GINS1: variants seen among roughly 807,000 people sequenced by gnomAD.
GINS1 encodes the protein DNA replication complex GINS protein PSF1.
A neutral mutation model predicts 34.9 loss-of-function variants in GINS1; 26 were observed. The observed-to-expected ratio is 0.74, with a 90% CI of 0.55 to 1.03. The LOEUF is 1.03. Among genes scored for constraint, GINS1 ranks in the 50% least tolerant of loss-of-function variants. GINS1 has a pLI of 0.00. For synonymous variants in GINS1, 97 were observed against 84.4 expected, an observed-to-expected ratio of 1.15 and a Z score of -0.82; for missense variants, 235 against 237.9, an observed-to-expected ratio of 0.99 and a Z score of 0.08.
intron 1 of GINS1, among the ~76,000 whole-genome samples, chr20:25,408,486 A>T (rs1486806830): frequency 6.6e-6 from 1 of 152,022 alleles, no homozygotes; most frequent in African/African-American, 2.4e-5. Flanking sequence ...TAATATTATG[A>T]TTATTTGTAT....
intron 5 of GINS1, among the ~76,000 whole-genome samples, chr20:25,432,777 T>A (rs2090434475): frequency 6.6e-6 from 1 of 151,298 alleles, no homozygotes; most frequent in South Asian, 2.1e-4. Context: ...GATGAATTGT[T>A]ATTAGATGTG....
intron 1 of GINS1, chr20:25,413,573 A>G (rs1021983714): frequency 1.4e-5 from 7 of 492,966 alleles, no homozygotes; most frequent in African/African-American, 3.9e-5. Context: ...TTTTGCCCAC[A>G]GGGCTATACC....
intron 1 of GINS1, among the ~76,000 whole-genome samples, chr20:25,413,056 ATT>A (rs753937496): frequency 1.0e-4 from 14 of 135,990 alleles, no homozygotes; most frequent in African/African-American, 3.2e-4. Context: ...TCAGTAGTTC[ATT>A]TTTTTTTTTT....
rs533198891 is a variant in GINS1 at position 25,448,121 on chromosome 20, A to T, written c.*2130A>T. 1 of 152,188 alleles carries T rather than the reference A, an allele frequency of 6.6e-6. No individual in the cohort carries two copies. Among genetic ancestry groups the T allele is most frequent in the South Asian group, 2.1e-4 (1 of 4,810 alleles). 9.4% of individuals were successfully genotyped at this position (152,188 alleles called of 1,614,324 possible). On this transcript the variant is annotated 3_prime_UTR_variant, in exon 7 of 7. Coordinates refer to ENST00000262460, the MANE Select transcript of GINS1 (RefSeq NM_021067.5). ...ACTCCAGCCTGGGTGACAAAGTGAG[A>T]CTCTATCTCAAAAAGAAATTAGGAT...
intron 4 of GINS1, among the ~76,000 whole-genome samples, chr20:25,424,217 T>G (rs919949760): frequency 2.6e-5 from 4 of 152,236 alleles, no homozygotes; most frequent in African/African-American, 9.6e-5. Flanking sequence ...AACTATATAG[T>G]ATAGTTGGAG....
intron 1 of GINS1, among the ~76,000 whole-genome samples, chr20:25,410,044 A>T (rs573990936): frequency 1.2e-4 from 18 of 152,286 alleles, no homozygotes; most frequent in African/African-American, 4.1e-4. Flanking sequence ...GGCTGGTCTT[A>T]GAAGTTGTAG....
chr20:25,415,540 C>A (rs1446767404), intron 2 of GINS1, among the ~76,000 whole-genome samples: 1 of 152,054 alleles, frequency 6.6e-6, no homozygotes, highest in Non-Finnish European at 1.5e-5. Context: ...ACAAAATTAG[C>A]CATGCGTGGT....
chr20:25,430,690 C>A (rs1241429775), intron 5 of GINS1, among the ~76,000 whole-genome samples: 1 of 152,148 alleles, frequency 6.6e-6, no homozygotes. Context: ...GCCACCACAC[C>A]CGGCTAATTT....
intron 5 of GINS1, among the ~76,000 whole-genome samples, chr20:25,430,584 G>T (rs1346589795): frequency 6.6e-6 from 1 of 152,118 alleles, no homozygotes; most frequent in Non-Finnish European, 1.5e-5. Context: ...AGGCTGGAGT[G>T]CAATGGCACG....
intron 6 of GINS1, among the ~76,000 whole-genome samples, chr20:25,444,157 G>A (rs765268179): frequency 2.6e-5 from 4 of 151,900 alleles, no homozygotes; most frequent in Non-Finnish European, 5.9e-5. Flanking sequence ...GATTGCAGGC[G>A]TGTGTCACCA....
chr20:25,422,275 T>G (rs1352055873), intron 4 of GINS1, among the ~76,000 whole-genome samples: 1 of 152,018 alleles, frequency 6.6e-6, no homozygotes, highest in Non-Finnish European at 1.5e-5. Context: ...ACTTCCTTAT[T>G]TTTAAAAATC....
chr20:25,445,143 C>T (rs1353664192), intron 6 of GINS1, among the ~76,000 whole-genome samples: 2 of 152,158 alleles, frequency 1.3e-5, no homozygotes, highest in Non-Finnish European at 2.9e-5. Context: ...AGTCAGAATT[C>T]CATACAGCTC....
intron 5 of GINS1, among the ~76,000 whole-genome samples, chr20:25,429,684 C>T (rs76644502): frequency 0.016 from 2,435 of 151,320 alleles, 27 homozygotes; most frequent in Non-Finnish European, 0.027. Context: ...TGTTACTGTG[C>T]TGAATTCATT....
intron 4 of GINS1, among the ~76,000 whole-genome samples, chr20:25,421,720 C>T (rs1175964531): frequency 6.6e-6 from 1 of 152,004 alleles, no homozygotes; most frequent in Non-Finnish European, 1.5e-5. Flanking sequence ...TCAGTATGTT[C>T]TTTTGTGGAA....
chr20:25,442,282 G>T (rs990401461), intron 6 of GINS1, among the ~76,000 whole-genome samples: 2 of 152,072 alleles, frequency 1.3e-5, no homozygotes, highest in Non-Finnish European at 2.9e-5. Context: ...AAATTGTAAA[G>T]TTGTAACTTA....
intron 1 of GINS1, among the ~76,000 whole-genome samples, chr20:25,409,557 A>G (rs1435339991): frequency 6.6e-6 from 1 of 152,174 alleles, no homozygotes; most frequent in East Asian, 1.9e-4. Flanking sequence ...CAGGAGATAG[A>G]GTGTGTTGGG....
intron 2 of GINS1, among the ~76,000 whole-genome samples, chr20:25,414,591 TCAG>T (rs2090308551): frequency 6.6e-6 from 1 of 152,124 alleles, no homozygotes; most frequent in Admixed American, 6.6e-5. Context: ...TCTTAGCTAC[TCAG>T]CAGGGTAAGG....
chr20:25,432,210 T>G lies in GINS1; in HGVS notation c.447+6883T>G, dbSNP rs149765031. On this transcript the variant is annotated intron_variant, in intron 5 of 6. Coordinates refer to ENST00000262460, the MANE Select transcript of GINS1 (RefSeq NM_021067.5). ...TATTTTTTAATGTAGGTGTTTATGT[T>G]TGTAACTATAAATTTCTCAGTACTG... Among the ~76,000 whole-genome samples, 34 of 152,284 alleles carry G rather than the reference T, an allele frequency of 2.2e-4. No homozygotes were observed. The East Asian group carries it at 6.6e-3, about 29-fold the overall frequency.
chr20:25,409,457 CA>C (rs2090269481), intron 1 of GINS1, among the ~76,000 whole-genome samples: 1 of 152,084 alleles, frequency 6.6e-6, no homozygotes, highest in African/African-American at 2.4e-5. Context: ...GCTATTAGAG[CA>C]GGGGCAGAGA....
Sources: gnomAD v4.1 joint callset for allele counts (sites outside exome capture counted in the v4.1 genomes callset) on GRCh38, gnomAD v4.1.1 for gene constraint, MANE v1.5 for transcripts, NCBI Gene and HGNC (gene_info 2026-07-23, HGNC 2026-07-21) for gene names.